The following SLC1A3 variants were observed in gnomAD, a reference collection of about 807,000 sequenced individuals.
The protein encoded by SLC1A3 is excitatory amino acid transporter 1.
SLC1A3 carries 21 observed loss-of-function variants against 48.1 expected under a neutral mutation model. The observed-to-expected ratio is 0.44, with a 90% CI of 0.31 to 0.63. SLC1A3 has a LOEUF of 0.63. Ranked by LOEUF, SLC1A3 falls within the 20% of genes least tolerant of loss-of-function variation. SLC1A3 has a pLI of 0.08. For synonymous variants in SLC1A3, 239 were observed against 251.4 expected, an observed-to-expected ratio of 0.95 and a Z score of 0.47; for missense variants, 546 against 689.0, an observed-to-expected ratio of 0.79 and a Z score of 2.32.
At chr5:36,615,513 G>A (rs919657945) in intron 2 of SLC1A3, among the ~76,000 whole-genome samples, 2 of 152,116 alleles carry the variant, frequency 1.3e-5, no homozygotes, top group Non-Finnish European at 2.9e-5. Flanking sequence ...TTGACCTCTT[G>A]AGGGCCCCTG....
intron 2 of SLC1A3, 77 bp from the exon 3 acceptor site, chr5:36,629,373 T>C: frequency 7.9e-7 from 1 of 1,261,756 alleles, no homozygotes; most frequent in South Asian, 1.3e-5. Flanking sequence ...AAATACTTAC[T>C]CATTTTGCTA....
chr5:36,676,932 T>C lies in SLC1A3; in HGVS notation c.608T>C (p.Ile203Thr). The C allele has an allele frequency of 1.2e-6, 2 of 1,613,976 alleles. No individual in the cohort carries two copies. Among genetic ancestry groups the C allele is most frequent in the Non-Finnish European group, 1.7e-6 (2 of 1,179,910 alleles). ...NYEKRSFKVPIQANETLVGAV... is the reference protein window; with the variant it reads ...NYEKRSFKVPTQANETLVGAV... ...GAGAAGAGAAGCTTTAAAGTGCCCA[T>C]CCAGGCCAACGAAACGCTTGTGGGT... Residue 203 changes from isoleucine (I) to threonine (T), a missense_variant, in exon 6 of 10, where the codon ATC becomes ACC. By Grantham distance (89) the Ile-to-Thr change is moderately conservative. Around this residue, in one of 3 missense-constraint regions of SLC1A3, gnomAD observed 348 missense variants for 392.0 expected, o/e 0.89. Transcript: ENST00000265113.
At chr5:36,682,993 G>A (rs1300782030) in intron 8 of SLC1A3, among the ~76,000 whole-genome samples, 2 of 151,898 alleles carry the variant, frequency 1.3e-5, no homozygotes, top group Non-Finnish European at 1.5e-5. Context: ...TGCAAGCCAG[G>A]TCTACACTGC....
At position 36,688,254 on chromosome 5, in the gene SLC1A3, A is replaced by G. The variant is rs1354767587; in HGVS notation, c.*1985A>G. ...CTCGCCAAGCCATCACAGGCTCTGC[A>G]TACACATGCACTCAGTGTGGACTGG... On this transcript the variant is annotated 3_prime_UTR_variant, in exon 10 of 10. Coordinates refer to ENST00000265113, the MANE Select transcript of SLC1A3 (RefSeq NM_004172.5). 1 of 152,258 alleles carries G rather than the reference A, an allele frequency of 6.6e-6. No homozygotes were observed. Among genetic ancestry groups the G allele is most frequent in the Non-Finnish European group, 1.5e-5 (1 of 68,050 alleles). 9.4% of individuals were successfully genotyped at this position (152,258 alleles called of 1,614,324 possible).
intron 2 of SLC1A3, among the ~76,000 whole-genome samples, chr5:36,625,114 T>G (rs963077665): frequency 6.6e-6 from 1 of 152,246 alleles, no homozygotes; most frequent in South Asian, 2.1e-4. Context: ...ATGAGATCTA[T>G]AAGCCTGAGC....
At position 36,686,060 on chromosome 5, in the gene SLC1A3, T is replaced by G; in HGVS notation, c.1425-5T>G. ...GTTTTTCCCTCCTCCCCACCCTGCC[T>G]GCAGGGATCGCCTCCGGACCACCAC... On this transcript the variant is annotated splice_region_variant and splice_polypyrimidine_tract_variant and intron_variant, in intron 9 of 9. Transcript: ENST00000265113. 6.2e-7 allele frequency: 1 copy of G among 1,613,442 alleles called. No individual in the cohort carries two copies. Among genetic ancestry groups the G allele is most frequent in the Non-Finnish European group, 8.5e-7 (1 of 1,179,426 alleles).
rs549164007 is a variant in SLC1A3 at position 36,686,090 on chromosome 5, G to A, written c.1450G>A (p.Val484Ile). The A allele has an allele frequency of 2.0e-5, 32 of 1,614,136 alleles. No homozygotes were observed. Among genetic ancestry groups the A allele is most frequent in the South Asian group, 1.5e-4 (14 of 91,080 alleles). Residue 484 changes from valine to isoleucine, a missense_variant, in exon 10 of 10, where the codon GTA (valine) becomes ATA (isoleucine). Val to Ile is a conservative substitution (Grantham distance 29). Transcript: ENST00000265113. Reference protein sequence around the residue: ...FLDRLRTTTNVLGDSLGAGIV... With the variant: ...FLDRLRTTTNILGDSLGAGIV... ...GGATCGCCTCCGGACCACCACCAAC[G>A]TACTGGGAGACTCCCTGGGAGCTGG...
intron 1 of SLC1A3, among the ~76,000 whole-genome samples, chr5:36,598,042 C>T (rs1738764874): frequency 6.6e-6 from 1 of 152,224 alleles, no homozygotes; most frequent in South Asian, 2.1e-4. Context: ...CCTCCAGTGC[C>T]TTCAAACATA....
At chr5:36,626,764 T>C (rs540777456) in intron 2 of SLC1A3, among the ~76,000 whole-genome samples, 1 of 152,262 alleles carries the variant, frequency 6.6e-6, no homozygotes, top group Non-Finnish European at 1.5e-5. Flanking sequence ...AAAAGACAGA[T>C]ATAACCAAAG....
rs181134597 is a variant in SLC1A3, at chr5:36,685,975, G to A, written c.1425-90G>A. On this transcript the variant is annotated intron_variant, in intron 9 of 9. Coordinates refer to ENST00000265113, the MANE Select transcript of SLC1A3 (RefSeq NM_004172.5). ...AGATACGGCGAACTGAATGTTAAGA[G>A]GTGCTTCGCTGGCCAGTTCCTAACG... The A allele has an allele frequency of 7.4e-6, 7 of 943,772 alleles. No individual in the cohort carries two copies. In the Admixed American group the frequency reaches 1.3e-4, roughly 17 times the overall value. The allele number at this position is 943,772 out of a possible 1,614,324, so 58.5% of individuals were successfully genotyped here.
chr5:36,616,826 G>C (rs1455318131), intron 2 of SLC1A3, among the ~76,000 whole-genome samples: 1 of 152,198 alleles, frequency 6.6e-6, no homozygotes. Flanking sequence ...AATGTGAAGA[G>C]AAACATCAAG....
At chr5:36,643,735 C>T (rs1400698713) in intron 3 of SLC1A3, among the ~76,000 whole-genome samples, 1 of 152,116 alleles carries the variant, frequency 6.6e-6, no homozygotes, top group Non-Finnish European at 1.5e-5. Flanking sequence ...TGGCTCACAC[C>T]TGTAATCCCA....
At chr5:36,636,746 A>G (rs561278378) in intron 3 of SLC1A3, among the ~76,000 whole-genome samples, 11 of 152,016 alleles carry the variant, frequency 7.2e-5, no homozygotes, top group African/African-American at 2.7e-4. Context: ...GAAGTAAAGG[A>G]GAAAAGGTGC....
At chr5:36,685,362 C>T (rs537509518) in intron 9 of SLC1A3, among the ~76,000 whole-genome samples, 3 of 152,270 alleles carry the variant, frequency 2.0e-5, no homozygotes, top group South Asian at 2.1e-4. Context: ...CTGCAACCTC[C>T]GCCTCCTGGG....
chr5:36,642,949 G>A (rs575931490), intron 3 of SLC1A3, among the ~76,000 whole-genome samples: 1 of 151,994 alleles, frequency 6.6e-6, no homozygotes, highest in East Asian at 1.9e-4. Context: ...CATATACATG[G>A]ACATGTGATA....
chr5:36,624,816 C>A (rs1033692962), intron 2 of SLC1A3, among the ~76,000 whole-genome samples: 5 of 152,118 alleles, frequency 3.3e-5, no homozygotes, highest in Non-Finnish European at 7.4e-5. Flanking sequence ...TTTGGTATAG[C>A]CATTTTTGAA....
chr5:36,636,668 G>A (rs1347270016), intron 3 of SLC1A3, among the ~76,000 whole-genome samples: 1 of 140,810 alleles, frequency 7.1e-6, no homozygotes, highest in Non-Finnish European at 1.5e-5. Flanking sequence ...AATGCAGAAA[G>A]AACCAGAGGT....
intron 6 of SLC1A3, among the ~76,000 whole-genome samples, chr5:36,678,791 C>A (rs563644406): frequency 6.6e-6 from 1 of 152,168 alleles, no homozygotes; most frequent in Non-Finnish European, 1.5e-5. Flanking sequence ...AAGGAAAGCT[C>A]ATAAATGGCA....
chr5:36,644,033 A>ATAAG (rs1399966418), intron 3 of SLC1A3, among the ~76,000 whole-genome samples: 1 of 151,542 alleles, frequency 6.6e-6, no homozygotes. Context: ...AAATAAATAA[A>ATAAG]TAAATAAATA....
Sources: allele counts gnomAD v4.1 joint callset (sites outside exome capture counted in the v4.1 genomes callset), GRCh38; gene constraint gnomAD v4.1.1; regional missense constraint gnomAD v4.1.1; transcripts MANE v1.5; gene names NCBI Gene and HGNC (gene_info 2026-07-23, HGNC 2026-07-21).